The following CUBN variants were observed in gnomAD, a reference collection of about 807,000 sequenced individuals.
CUBN encodes the protein 460 kDa receptor.
A neutral mutation model predicts 405.3 loss-of-function variants in CUBN; 282 were observed. The ratio of observed to expected loss-of-function variants is 0.70; its 90% CI spans 0.63 to 0.77. CUBN has a LOEUF of 0.77. CUBN is among the 30% of genes least tolerant of loss of function. The probability of loss-of-function intolerance (pLI) is 0.00; values close to 1 mark genes in which losing one functional copy is unlikely to be tolerated. For synonymous variants in CUBN, 1,684 were observed against 1,617.0 expected (o/e 1.04, Z -0.99); for missense variants, 4,514 against 4,475.2 (o/e 1.01, Z -0.25).
intron 6 of CUBN, among the ~76,000 whole-genome samples, chr10:17,118,360 A>G (rs12262262): frequency 0.24 from 37,127 of 152,126 alleles, 4,937 homozygotes; most frequent in African/African-American, 0.32. Context: ...CTCCTGCACC[A>G]TTGTTCCTGC....
At chr10:16,919,631 G>A (rs1354013424) in intron 44 of CUBN, among the ~76,000 whole-genome samples, 3 of 152,152 alleles carry the variant, frequency 2.0e-5, no homozygotes, top group Admixed American at 2.0e-4. Context: ...CACCGAATAT[G>A]AGGCTGGTCA....
intron 8 of CUBN, among the ~76,000 whole-genome samples, chr10:17,111,558 T>A (rs117276403): frequency 3.3e-5 from 5 of 152,344 alleles, no homozygotes; most frequent in African/African-American, 4.8e-5. Context: ...CTTTTTAATA[T>A]CATGTGTACA....
chr10:16,961,862 C>T (rs1342664167), intron 31 of CUBN, among the ~76,000 whole-genome samples: 43 of 151,988 alleles, frequency 2.8e-4, no homozygotes, highest in African/African-American at 1.0e-3. Context: ...CAGGCGCCCG[C>T]CACTACGCCT....
intron 6 of CUBN, among the ~76,000 whole-genome samples, chr10:17,119,884 T>C (rs1432902505): frequency 6.6e-6 from 1 of 152,246 alleles, no homozygotes; most frequent in Non-Finnish European, 1.5e-5. Context: ...AGTTTACCTA[T>C]GAAACAGGTA....
intron 48 of CUBN, 122 bp downstream of exon 48, chr10:16,913,689 T>G: frequency 5.5e-6 from 6 of 1,082,414 alleles, no homozygotes; most frequent in Non-Finnish European, 8.5e-6. Context: ...TACTTAGAAT[T>G]TGTCTGAGTT....
At chr10:16,959,906 A>AT (rs969038448) in intron 31 of CUBN, among the ~76,000 whole-genome samples, 3 of 152,204 alleles carry the variant, frequency 2.0e-5, no homozygotes, top group Non-Finnish European at 4.4e-5. Context: ...CTCAGCATTG[A>AT]TTTTCTGATC....
chr10:16,891,296 T>C (rs1194110050), intron 54 of CUBN, among the ~76,000 whole-genome samples: 2 of 152,200 alleles, frequency 1.3e-5, no homozygotes. Context: ...ATCATAAATT[T>C]ACATGCAAAA....
chr10:16,853,110 T>C (rs1026300459), intron 59 of CUBN, among the ~76,000 whole-genome samples: 11 of 152,146 alleles, frequency 7.2e-5, no homozygotes, highest in African/African-American at 2.2e-4. Context: ...CCTCAGAACA[T>C]AAGATTTAGT....
At chr10:16,911,400 GT>G (rs1156533455) in intron 48 of CUBN, among the ~76,000 whole-genome samples, 1 of 152,196 alleles carries the variant, frequency 6.6e-6, no homozygotes, top group Non-Finnish European at 1.5e-5. Context: ...TGTGTTTGTG[GT>G]GGCAAAGGGG....
At chr10:16,952,410 C>G (rs776776222) in intron 32 of CUBN, 21 bp from the exon 33 acceptor site, 1 of 1,284,224 alleles carries the variant, frequency 7.8e-7, no homozygotes, top group Non-Finnish European at 1.1e-6. Context: ...CACAAACACA[C>G]ATACATGTCA....
At chr10:16,831,500 G>T in intron 64 of CUBN, 83 bp from the exon 65 acceptor site, 1 of 1,233,730 alleles carries the variant, frequency 8.1e-7, no homozygotes, top group South Asian at 1.2e-5. Context: ...TTTGAATGAT[G>T]ACATTGGTCG....
Position 17,085,765 on chromosome 10 carries a change from A to C in CUBN, c.1948-6T>G, listed in dbSNP as rs1215850537. ...TACAAAGGACCATCTCGAATCTAAA[A>C]CAAAAGGATGAATCATTAAGCTCAA... On this transcript the variant is annotated splice_region_variant and splice_polypyrimidine_tract_variant and intron_variant, in intron 15 of 66. Transcript: ENST00000377833. The C allele has an allele frequency of 1.2e-6, 2 of 1,613,652 alleles. No homozygotes were observed. Among genetic ancestry groups the C allele is most frequent in the African/African-American group, 1.3e-5 (1 of 75,020 alleles).
chr10:16,983,961 G>A (rs888059038), intron 30 of CUBN, 144 bp downstream of exon 30: 4 of 829,040 alleles, frequency 4.8e-6, no homozygotes, highest in Non-Finnish European at 8.2e-6. Context: ...TTTAGGGAAG[G>A]GTATATGTCA....
At chr10:16,995,636 TG>T (rs1172298105) in intron 28 of CUBN, among the ~76,000 whole-genome samples, 1 of 152,158 alleles carries the variant, frequency 6.6e-6, no homozygotes, top group East Asian at 1.9e-4. Flanking sequence ...GGCCGTGTTT[TG>T]TATCCTCACA....
intron 27 of CUBN, among the ~76,000 whole-genome samples, chr10:17,031,963 G>C (rs1164669990): frequency 6.6e-6 from 1 of 152,204 alleles, no homozygotes; most frequent in Non-Finnish European, 1.5e-5. Flanking sequence ...GATTCGGAGA[G>C]CACAGAGAGA....
chr10:17,085,874 T>A (rs1180945101), intron 15 of CUBN, 115 bp from the exon 16 acceptor site: 5 of 980,770 alleles, frequency 5.1e-6, no homozygotes, highest in Non-Finnish European at 7.7e-6. Flanking sequence ...CTCAAGGAAG[T>A]TTCCCCATCA....
At chr10:16,907,022 C>G (rs1564416460) in intron 49 of CUBN, among the ~76,000 whole-genome samples, 2 of 152,096 alleles carry the variant, frequency 1.3e-5, no homozygotes, top group Admixed American at 1.3e-4. Context: ...TAATTAGAGG[C>G]CATATCTTGC....
chr10:16,859,980 CT>C (rs1245173177), intron 59 of CUBN, among the ~76,000 whole-genome samples: 1 of 152,024 alleles, frequency 6.6e-6, no homozygotes, highest in Non-Finnish European at 1.5e-5. Flanking sequence ...AAAGTATCAA[CT>C]TTAAATTAGA....
rs749140164 is a variant in CUBN, at chr10:17,045,987, T to G, written c.3437A>C (p.Asp1146Ala). ...GAATCCAGACCTTGTGTCTATTTGG[T>G]CACTCTTAAATTTTAACCATAGTTT... The part of the protein sequence containing the change: ...SNKLWLKFKS[D>A]QIDTRSGFSA... Residue 1146 changes from aspartate (D) to alanine (A), a missense_variant, in exon 24 of 67, where the codon GAC becomes GCC. This residue lies in a region of CUBN where 1,448 missense variants were observed against 1,388.0 expected (regional missense o/e 1.04). Coordinates refer to ENST00000377833, the MANE Select transcript of CUBN (RefSeq NM_001081.4). The G allele has an allele frequency of 1.9e-6, 3 of 1,614,048 alleles. No homozygotes were observed. The highest frequency in any genetic ancestry group is 2.5e-6 in the Non-Finnish European group (3 of 1,179,956).
Sources: gnomAD v4.1 joint callset for allele counts (sites outside exome capture counted in the v4.1 genomes callset) on GRCh38, gnomAD v4.1.1 for gene constraint, gnomAD v4.1.1 regional missense constraint, MANE v1.5 for transcripts, NCBI Gene and HGNC (gene_info 2026-07-23, HGNC 2026-07-21) for gene names.